Variants in PDE11A observed in about 807,000 individuals in gnomAD.
PDE11A encodes the protein dual 3',5'-cyclic-AMP and -GMP phosphodiesterase 11A.
A neutral mutation model predicts 100.5 loss-of-function variants in PDE11A; 100 were observed. The ratio of observed to expected loss-of-function variants is 1.00; its 90% CI spans 0.85 to 1.18. The LOEUF is 1.18. Ranked by LOEUF, PDE11A falls within the 50% of genes most tolerant of loss-of-function variation. PDE11A has a pLI of 0.00. For missense variants in PDE11A, 1,141 were observed against 1,152.6 expected (o/e 0.99, Z 0.15); for synonymous variants, 381 against 420.8 (o/e 0.91, Z 1.16).
intron 9 of PDE11A, among the ~76,000 whole-genome samples, chr2:177,801,095 C>T (rs1175486037): frequency 6.6e-6 from 1 of 152,114 alleles, no homozygotes; most frequent in Non-Finnish European, 1.5e-5. Context: ...ATCAGAAAAC[C>T]ATATAGGCAA....
intron 11 of PDE11A, 24 bp downstream of exon 11, chr2:177,728,002 G>C: frequency 1.9e-6 from 3 of 1,607,416 alleles, no homozygotes; most frequent in Non-Finnish European, 2.6e-6. Flanking sequence ...GAACTGCTTG[G>C]ATCACCCAAG....
chr2:177,836,775 G>C (rs936152597), intron 6 of PDE11A, among the ~76,000 whole-genome samples: 1 of 152,154 alleles, frequency 6.6e-6, no homozygotes, highest in African/African-American at 2.4e-5. Flanking sequence ...CTCCGGACGG[G>C]AGGAACAAAC....
intron 2 of PDE11A, chr2:177,921,672 C>G (rs944659944): frequency 7.9e-5 from 12 of 152,100 alleles, no homozygotes; most frequent in African/African-American, 2.9e-4. Context: ...CTTCACTATA[C>G]ATATTCTTCC....
chr2:177,826,101 C>A (rs1180149186), intron 6 of PDE11A, among the ~76,000 whole-genome samples: 4 of 152,212 alleles, frequency 2.6e-5, no homozygotes, highest in Non-Finnish European at 4.4e-5. Context: ...TGAGACAAAG[C>A]AGCCTTTCTA....
intron 18 of PDE11A, among the ~76,000 whole-genome samples, chr2:177,668,240 T>C (rs2080619028): frequency 6.6e-6 from 1 of 152,220 alleles, no homozygotes; most frequent in Non-Finnish European, 1.5e-5. Flanking sequence ...TCATATTTTT[T>C]TCATTTAATT....
chr2:177,748,642 T>C (rs888745954), intron 10 of PDE11A, among the ~76,000 whole-genome samples: 1 of 152,180 alleles, frequency 6.6e-6, no homozygotes, highest in African/African-American at 2.4e-5. Flanking sequence ...CAGTTTTTTT[T>C]TTTTATTCTT....
intron 2 of PDE11A, among the ~76,000 whole-genome samples, chr2:178,013,914 T>C (rs1009993789): frequency 6.6e-6 from 1 of 152,172 alleles, no homozygotes; most frequent in Admixed American, 6.6e-5. Flanking sequence ...TTCTTTGTTG[T>C]AGTTATAAAA....
intron 1 of PDE11A, among the ~76,000 whole-genome samples, chr2:178,107,676 A>G (rs889407966): frequency 6.6e-6 from 1 of 151,338 alleles, no homozygotes; most frequent in African/African-American, 2.4e-5. Context: ...AGAAGAATTA[A>G]TATTCAATCT....
Position 177,820,241 on chromosome 2 carries a change from T to A in PDE11A, c.1555A>T (p.Asn519Tyr), listed in dbSNP as rs1224983889. Residue 519 changes from asparagine (N) to tyrosine (Y), a missense_variant, in exon 7 of 20, where the codon AAT (asparagine) becomes TAT (tyrosine). Coordinates refer to ENST00000286063, the MANE Select transcript of PDE11A (RefSeq NM_016953.4). ...IRSVLCVPIW[N>Y]SNHQIIGVAQ... ...TTACCAATTATTTGGTGGTTGCTAT[T>A]CCAAATAGGGACACAAAGAACAGAT... 6.3e-7 allele frequency: 1 copy of A among 1,576,798 alleles called. No individual in the cohort carries two copies. The highest frequency in any genetic ancestry group is 8.7e-7 in the Non-Finnish European group (1 of 1,146,416).
At chr2:177,863,682 A>G (rs1001657309) in intron 5 of PDE11A, among the ~76,000 whole-genome samples, 2 of 147,914 alleles carry the variant, frequency 1.4e-5, no homozygotes, top group East Asian at 4.1e-4. Context: ...TCAAAAAGTC[A>G]AAAGATGACA....
chr2:177,664,356 G>A (rs924489187), intron 18 of PDE11A, among the ~76,000 whole-genome samples: 1 of 152,090 alleles, frequency 6.6e-6, no homozygotes, highest in Non-Finnish European at 1.5e-5. Context: ...GGACAAATCG[G>A]AAAATATCCT....
chr2:177,712,976 C>T (rs1381929575), intron 12 of PDE11A, among the ~76,000 whole-genome samples: 2 of 152,036 alleles, frequency 1.3e-5, no homozygotes, highest in African/African-American at 4.8e-5. Flanking sequence ...GTTTGTGTTG[C>T]AGAAATAACT....
intron 9 of PDE11A, among the ~76,000 whole-genome samples, chr2:177,793,344 C>T (rs1414925146): frequency 6.6e-6 from 1 of 152,018 alleles, no homozygotes; most frequent in Non-Finnish European, 1.5e-5. Flanking sequence ...GCATTCATTC[C>T]CTTGGGGTAG....
chr2:177,910,016 T>C (rs1278725750), intron 2 of PDE11A, among the ~76,000 whole-genome samples: 1 of 152,198 alleles, frequency 6.6e-6, no homozygotes, highest in Non-Finnish European at 1.5e-5. Context: ...GGTAGCCAAT[T>C]TGTATTTTGT....
intron 9 of PDE11A, among the ~76,000 whole-genome samples, chr2:177,814,308 TTATAA>T (rs1281974300): frequency 1.3e-5 from 2 of 152,078 alleles, no homozygotes; most frequent in Non-Finnish European, 2.9e-5. Flanking sequence ...TTGATGTATA[TTATAA>T]TATACGTATA....
chr2:177,680,096 C>T (rs774310554), intron 16 of PDE11A, among the ~76,000 whole-genome samples: 5 of 151,988 alleles, frequency 3.3e-5, no homozygotes, highest in South Asian at 4.2e-4. Flanking sequence ...TCAAGGTTTC[C>T]GCTTGGGGTA....
intron 17 of PDE11A, among the ~76,000 whole-genome samples, chr2:177,672,967 A>G (rs1264939175): frequency 6.6e-6 from 1 of 152,236 alleles, no homozygotes; most frequent in Non-Finnish European, 1.5e-5. Context: ...AAATGGCTCG[A>G]TTAAATGATT....
intron 2 of PDE11A, among the ~76,000 whole-genome samples, chr2:178,101,630 C>A (rs1308951700): frequency 6.6e-6 from 1 of 152,164 alleles, no homozygotes; most frequent in Non-Finnish European, 1.5e-5. Flanking sequence ...CTGAAACTAT[C>A]TGGAAGTTCA....
rs1260189686 is a variant in PDE11A, at chr2:177,651,966, T to A, written c.2646+11900A>T. Reference sequence around the variant, plus strand: ...CCGCCACAGGGCAATTCAAGAGTGATAGGTTATTTCAGGGCATCCTGAAAG... The same window carrying A: ...CCGCCACAGGGCAATTCAAGAGTGAAAGGTTATTTCAGGGCATCCTGAAAG... On this transcript the variant is annotated intron_variant, in intron 19 of 19. Coordinates refer to ENST00000286063, the MANE Select transcript of PDE11A (RefSeq NM_016953.4). Among the ~76,000 whole-genome samples the A allele has an allele frequency of 2.0e-5, 3 of 152,144 alleles. No individual in the cohort carries two copies. In the East Asian group the frequency reaches 5.8e-4, roughly 29 times the overall value.
Sources: allele counts gnomAD v4.1 joint callset (sites outside exome capture counted in the v4.1 genomes callset), GRCh38; gene constraint gnomAD v4.1.1; transcripts MANE v1.5; gene names NCBI Gene and HGNC (gene_info 2026-07-23, HGNC 2026-07-21).